ASIC2: variants seen among roughly 807,000 people sequenced by gnomAD.
ASIC2 encodes the protein acid-sensing ion channel 2.
Under a neutral mutation model 57.3 loss-of-function variants are expected in ASIC2, and 25 were observed. The observed-to-expected ratio is 0.44, with a 90% CI of 0.32 to 0.61. ASIC2 has a LOEUF of 0.61. Among genes scored for constraint, ASIC2 ranks in the 20% least tolerant of loss-of-function variants. The pLI is 0.06. For synonymous variants in ASIC2, 319 were observed against 307.5 expected (o/e 1.04, Z -0.39); for missense variants, 641 against 738.1 (o/e 0.87, Z 1.52).
At chr17:34,084,956 T>G (rs1173361867) in intron 1 of ASIC2, among the ~76,000 whole-genome samples, 1 of 152,248 alleles carries the variant, frequency 6.6e-6, no homozygotes, top group African/African-American at 2.4e-5. Flanking sequence ...GATGGGGTTT[T>G]CTAGATATAC....
intron 1 of ASIC2, among the ~76,000 whole-genome samples, chr17:33,629,415 A>G (rs1287822692): frequency 6.6e-6 from 1 of 152,206 alleles, no homozygotes; most frequent in East Asian, 1.9e-4. Context: ...AGCTCTCCTA[A>G]TTGGAAGAAT....
intron 1 of ASIC2, among the ~76,000 whole-genome samples, chr17:33,902,619 A>G (rs1915254708): frequency 6.6e-6 from 1 of 152,154 alleles, no homozygotes; most frequent in African/African-American, 2.4e-5. Context: ...GGCAGGTTCC[A>G]GGATTGCCCA....
At chr17:33,530,629 T>A (rs544413647) in intron 1 of ASIC2, among the ~76,000 whole-genome samples, 1 of 152,318 alleles carries the variant, frequency 6.6e-6, no homozygotes, top group African/African-American at 2.4e-5. Flanking sequence ...TAAGCCCTTT[T>A]TTCAAGGAGA....
intron 1 of ASIC2, among the ~76,000 whole-genome samples, chr17:33,988,097 A>G (rs777356548): frequency 3.9e-5 from 6 of 152,200 alleles, no homozygotes; most frequent in Non-Finnish European, 7.3e-5. Flanking sequence ...ATTGGGAGGA[A>G]GAGCATACAT....
chr17:33,978,662 G>A (rs929908377), intron 1 of ASIC2, among the ~76,000 whole-genome samples: 1 of 152,120 alleles, frequency 6.6e-6, no homozygotes, highest in Non-Finnish European at 1.5e-5. Context: ...TGCTTACGGT[G>A]TGCTGGGAGA....
At chr17:33,699,294 G>A (rs1311919143) in intron 1 of ASIC2, among the ~76,000 whole-genome samples, 1 of 152,158 alleles carries the variant, frequency 6.6e-6, no homozygotes, top group Non-Finnish European at 1.5e-5. Flanking sequence ...TTAGCGTGGA[G>A]CTTCTGGCTC....
At chr17:33,828,174 C>T (rs1279994561) in intron 1 of ASIC2, 4 of 152,154 alleles carry the variant, frequency 2.6e-5, no homozygotes, top group Non-Finnish European at 5.9e-5. Flanking sequence ...AATAGTTCTG[C>T]AATAAACATA....
At chr17:33,767,328 C>T (rs1037480668) in intron 1 of ASIC2, among the ~76,000 whole-genome samples, 3 of 152,034 alleles carry the variant, frequency 2.0e-5, no homozygotes, top group Non-Finnish European at 2.9e-5. Flanking sequence ...GGAAATGTAC[C>T]TTATGATGTT....
intron 1 of ASIC2, among the ~76,000 whole-genome samples, chr17:34,064,772 GA>G (rs1357928474): frequency 6.6e-6 from 1 of 152,022 alleles, no homozygotes; most frequent in East Asian, 1.9e-4. Context: ...ACAAACATAT[GA>G]AAAAATGCTC....
chr17:34,107,685 G>C (rs1044290057), intron 1 of ASIC2, among the ~76,000 whole-genome samples: 1 of 152,194 alleles, frequency 6.6e-6, no homozygotes, highest in African/African-American at 2.4e-5. Context: ...ACTAAAGGTA[G>C]TCACAAGTTG....
chr17:33,726,662 C>G (rs1909571053), intron 1 of ASIC2, among the ~76,000 whole-genome samples: 1 of 152,196 alleles, frequency 6.6e-6, no homozygotes. Flanking sequence ...TCTCCCTCAG[C>G]TGAAAAACCC....
intron 1 of ASIC2, among the ~76,000 whole-genome samples, chr17:33,141,457 T>C (rs1904318846): frequency 6.6e-6 from 1 of 152,198 alleles, no homozygotes; most frequent in East Asian, 1.9e-4. Flanking sequence ...AAAAGCGGCA[T>C]AAAATGTCCC....
chr17:33,823,774 C>T (rs1912821852), intron 1 of ASIC2, among the ~76,000 whole-genome samples: 1 of 152,166 alleles, frequency 6.6e-6, no homozygotes, highest in South Asian at 2.1e-4. Flanking sequence ...CAGGCTTCAG[C>T]ATTGGAAGTT....
intron 1 of ASIC2, among the ~76,000 whole-genome samples, chr17:33,416,435 C>T (rs1008370691): frequency 6.6e-6 from 1 of 152,202 alleles, no homozygotes; most frequent in Non-Finnish European, 1.5e-5. Flanking sequence ...TCTGCCTCCT[C>T]CCATGGGCCT....
At chr17:33,422,703 C>A (rs1254667003) in intron 1 of ASIC2, among the ~76,000 whole-genome samples, 1 of 152,190 alleles carries the variant, frequency 6.6e-6, no homozygotes, top group Non-Finnish European at 1.5e-5. Context: ...AGACTTAATC[C>A]TAATGCCTCT....
At position 34,037,749 on chromosome 17, in the gene ASIC2, C is replaced by T. The variant is rs144927569; in HGVS notation, c.555+118229G>A. ...GGATCACAGGCCAGCTGCTGGACAT[C>T]AATGCGGTCCTCCTTTCGGTAGGCC... On this transcript the variant is annotated intron_variant, in intron 1 of 9. Coordinates refer to the ASIC2 transcript ENST00000359872. The T allele has an allele frequency of 1.0e-4, 162 of 1,614,154 alleles. No individual in the cohort carries two copies. In the African/African-American group the frequency reaches 1.9e-3, roughly 19 times the overall value.
At chr17:33,472,640 C>G (rs1033969565) in intron 1 of ASIC2, among the ~76,000 whole-genome samples, 2 of 152,122 alleles carry the variant, frequency 1.3e-5, no homozygotes, top group South Asian at 2.1e-4. Context: ...AGACAGGCTG[C>G]CTGGGGAGAG....
intron 1 of ASIC2, among the ~76,000 whole-genome samples, chr17:33,846,454 A>T (rs142720622): frequency 6.6e-6 from 1 of 152,218 alleles, no homozygotes; most frequent in Admixed American, 6.5e-5. Context: ...GCCCTTCATA[A>T]TTGGCCTTGT....
chr17:33,610,054 G>GCGCACACACA (rs375575593), intron 1 of ASIC2, among the ~76,000 whole-genome samples: 1,840 of 144,826 alleles, frequency 0.013, 30 homozygotes, highest in African/African-American at 0.044. Context: ...GGACAGAGGC[G>GCGCACACACA]CACACACACA....
Sources: allele counts gnomAD v4.1 joint callset (sites outside exome capture counted in the v4.1 genomes callset), GRCh38; gene constraint gnomAD v4.1.1; transcripts MANE v1.5; gene names NCBI Gene and HGNC (gene_info 2026-07-23, HGNC 2026-07-21).